LGMN: variants seen among roughly 807,000 people sequenced by gnomAD.
LGMN encodes the protein asparaginyl endopeptidase.
In LGMN, 36 loss-of-function variants were observed where a neutral mutation model predicts 56.8. That is an observed-to-expected ratio of 0.63 (90% CI 0.49 to 0.84). LGMN has a LOEUF of 0.84. Ranked by LOEUF, LGMN falls within the 40% of genes least tolerant of loss-of-function variation. The pLI, the probability that LGMN is intolerant of heterozygous loss-of-function variation, is 0.00. For missense variants in LGMN, 446 were observed against 556.1 expected, an observed-to-expected ratio of 0.80 and a Z score of 1.99; for synonymous variants, 199 against 210.1, an observed-to-expected ratio of 0.95 and a Z score of 0.46.
rs145488747 is a variant in LGMN, at chr14:92,727,560, A to G, written c.138+5089T>C. Among the ~76,000 whole-genome samples the G allele has an allele frequency of 4.2e-3, 631 of 151,674 alleles. 6 individuals carry two copies. Among genetic ancestry groups the G allele is most frequent in the African/African-American group, 0.015 (608 of 41,310 alleles). On this transcript the variant is annotated intron_variant, in intron 2 of 13. Transcript: ENST00000334869. ...GGCTCTGGTACATGCACTTGAAGGC[A>G]CCCGATGTGCTGGCCACGCCCCTCA...
chr14:92,732,407 T>C (rs1891093839), intron 2 of LGMN: 1 of 456,104 alleles, frequency 2.2e-6, no homozygotes, highest in African/African-American at 2.0e-5. Context: ...AAGATGGCCC[T>C]ATCAAAACTT....
intron 11 of LGMN, among the ~76,000 whole-genome samples, chr14:92,708,265 C>A (rs535022281): frequency 1.3e-5 from 2 of 152,082 alleles, no homozygotes; most frequent in African/African-American, 2.4e-5. Flanking sequence ...ACATAACCCA[C>A]CATGAACAAA....
At position 92,704,174 on chromosome 14, in the gene LGMN, A is replaced by G; in HGVS notation, c.*145T>C. On this transcript the variant is annotated 3_prime_UTR_variant, in exon 14 of 14. Coordinates refer to ENST00000334869, the MANE Select transcript of LGMN (RefSeq NM_005606.7). The stretch of plus-strand genomic sequence containing the variant: ...GTAACAGCGAGCAAGTCATCTTGTG[A>G]AGAAGGTCCTGGAGCGAGCCCTGGA... 1 of 951,926 alleles carries G rather than the reference A, an allele frequency of 1.1e-6. No homozygotes were observed. 59.0% of individuals were successfully genotyped at this position (951,926 alleles called of 1,614,324 possible). A position where few individuals can be genotyped will look rare whatever the true frequency, so the allele number is the denominator to read the frequency against.
chr14:92,736,160 A>T (rs1891296382), intron 1 of LGMN, among the ~76,000 whole-genome samples: 1 of 152,214 alleles, frequency 6.6e-6, no homozygotes, highest in South Asian at 2.1e-4. Flanking sequence ...CCTTAGGTGC[A>T]ATGCTTGTTT....
At chr14:92,744,771 A>G (rs1331038420) in intron 1 of LGMN, among the ~76,000 whole-genome samples, 1 of 151,624 alleles carries the variant, frequency 6.6e-6, no homozygotes, top group African/African-American at 2.4e-5. Flanking sequence ...AATTTTTTGT[A>G]TTTTTAGTAG....
chr14:92,708,061 G>A (rs2140204433), intron 11 of LGMN, among the ~76,000 whole-genome samples: 1 of 151,474 alleles, frequency 6.6e-6, no homozygotes, highest in African/African-American at 2.4e-5. Flanking sequence ...TGAGGCAGGA[G>A]AATCGCTTGA....
rs139863930 is a variant in LGMN at position 92,726,871 on chromosome 14, T to G, written c.138+5778A>C. Among the ~76,000 whole-genome samples, 722 of 152,222 alleles carry G rather than the reference T, an allele frequency of 4.7e-3. 7 individuals are homozygous for G. Among genetic ancestry groups the G allele is most frequent in the African/African-American group, 0.016 (668 of 41,514 alleles). The stretch of plus-strand genomic sequence containing the variant: ...CCCTGAGTGTGAACTGGAAATCCAT[T>G]TCCCCTCACCAGGAACTGACTGACT... On this transcript the variant is annotated intron_variant, in intron 2 of 13. Coordinates refer to ENST00000334869, the MANE Select transcript of LGMN (RefSeq NM_005606.7).
At chr14:92,709,275 G>A (rs1198659207) in intron 11 of LGMN, among the ~76,000 whole-genome samples, 1 of 152,022 alleles carries the variant, frequency 6.6e-6, no homozygotes, top group Non-Finnish European at 1.5e-5. Flanking sequence ...AAGTAGCTGG[G>A]ACTAGAGGCG....
At chr14:92,731,350 G>A (rs1002048436) in intron 2 of LGMN, among the ~76,000 whole-genome samples, 7 of 152,152 alleles carry the variant, frequency 4.6e-5, no homozygotes, top group African/African-American at 9.7e-5. Flanking sequence ...TAAAACAGAC[G>A]ATTCAGTGGT....
intron 1 of LGMN, chr14:92,741,218 G>A (rs1353866123): frequency 6.6e-6 from 1 of 151,966 alleles, no homozygotes; most frequent in East Asian, 1.9e-4. Context: ...ACTTCACTTG[G>A]ATCCAAGAAA....
In LGMN at chr14:92,714,158, C is replaced by A. The variant is rs1319030829; in HGVS notation, c.480+218G>T. 6.6e-6 allele frequency among the ~76,000 whole-genome samples: 1 copy of A among 152,112 alleles called. No homozygotes were observed. The highest frequency in any genetic ancestry group is 1.5e-5 in the Non-Finnish European group (1 of 68,024). On this transcript the variant is annotated intron_variant, in intron 6 of 13. Transcript: ENST00000334869. This position sits in a 1 kb window ranked among gnomAD's most constrained non-coding sequence, Gnocchi z 5.1. Reference sequence around the variant, plus strand: ...TACACCCACATCCTGAGACAGCTACCGACGCTGCGACATGAACAGAAAAGC... The same window carrying A: ...TACACCCACATCCTGAGACAGCTACAGACGCTGCGACATGAACAGAAAAGC...
At chr14:92,746,956 G>A (rs996512899) in intron 1 of LGMN, among the ~76,000 whole-genome samples, 10 of 149,786 alleles carry the variant, frequency 6.7e-5, no homozygotes, top group Non-Finnish European at 1.2e-4. Flanking sequence ...GAATGGCGTG[G>A]ACCTGGGAGG....
At chr14:92,717,332 C>T (rs777930479) in intron 4 of LGMN, 48 bp downstream of exon 4, 2 of 1,184,698 alleles carry the variant, frequency 1.7e-6, no homozygotes, top group Non-Finnish European at 2.4e-6. Flanking sequence ...AAAATCATCA[C>T]TAAAATGAAA....
At chr14:92,725,759 G>C (rs541872217) in intron 2 of LGMN, among the ~76,000 whole-genome samples, 1 of 151,716 alleles carries the variant, frequency 6.6e-6, no homozygotes, top group South Asian at 2.1e-4. Flanking sequence ...TATTTTAGTA[G>C]AGATGGGGTT....
At chr14:92,729,140 T>C (rs928308372) in intron 2 of LGMN, among the ~76,000 whole-genome samples, 1 of 148,132 alleles carries the variant, frequency 6.8e-6, no homozygotes, top group African/African-American at 2.5e-5. Flanking sequence ...TTTTTTTTTT[T>C]TTTTTTTTGT....
In LGMN at chr14:92,704,276, G is replaced by A. The variant is rs758945329; in HGVS notation, c.*43C>T. 1.8e-5 allele frequency: 29 copies of A among 1,613,632 alleles called. No homozygotes were observed. The highest frequency in any genetic ancestry group is 3.3e-5 in the Admixed American group (2 of 60,002). On this transcript the variant is annotated 3_prime_UTR_variant, in exon 14 of 14. Coordinates refer to ENST00000334869, the MANE Select transcript of LGMN (RefSeq NM_005606.7). ...TCCAGTCTCTGATCAGCACACAGTC[G>A]GTGGGGCGCTCACACTTGGAAAAGC...
At chr14:92,709,095 G>A (rs1398411595) in intron 11 of LGMN, among the ~76,000 whole-genome samples, 1 of 151,966 alleles carries the variant, frequency 6.6e-6, no homozygotes, top group Non-Finnish European at 1.5e-5. Flanking sequence ...GATTGGAAAG[G>A]ACGGCATAAG....
At chr14:92,732,512 A>C (rs1891100669) in intron 2 of LGMN, 137 bp downstream of exon 2, 1 of 921,328 alleles carries the variant, frequency 1.1e-6, no homozygotes, top group African/African-American at 1.7e-5. Context: ...CATCCTCGCT[A>C]ACACACCTAT....
intron 11 of LGMN, among the ~76,000 whole-genome samples, chr14:92,707,249 T>TA (rs11437706): frequency 0.63 from 90,241 of 143,888 alleles, 27,818 homozygotes; most frequent in East Asian, 0.76. Context: ...ATCAAAAAAC[T>TA]AAAAAAAAAA....
Sources: allele counts gnomAD v4.1 joint callset (sites outside exome capture counted in the v4.1 genomes callset), GRCh38; gene constraint gnomAD v4.1.1; non-coding constraint Gnocchi (gnomAD v3.1); transcripts MANE v1.5; gene names NCBI Gene and HGNC (gene_info 2026-07-23, HGNC 2026-07-21).